Variants in GNA12 observed in about 807,000 individuals in gnomAD.
GNA12 encodes G protein subunit alpha 12.
In GNA12, 9 loss-of-function variants were observed where a neutral mutation model predicts 26.0. The observed-to-expected ratio is 0.35, with a 90% confidence interval of 0.21 to 0.60. The LOEUF is 0.60. Ranked by LOEUF, GNA12 falls within the 20% of genes least tolerant of loss-of-function variation. The probability of loss-of-function intolerance (pLI) is 0.78; values close to 1 mark genes in which losing one functional copy is unlikely to be tolerated. For synonymous variants in GNA12, 264 were observed against 219.6 expected (o/e 1.20, Z -1.79); for missense variants, 405 against 525.8 (o/e 0.77, Z 2.25).
intron 2 of GNA12, among the ~76,000 whole-genome samples, chr7:2,734,360 C>T (rs1003021683): frequency 2.0e-5 from 3 of 152,234 alleles, no homozygotes; most frequent in Non-Finnish European, 4.4e-5. Flanking sequence ...TTGAACCCTG[C>T]TCTAAAGACA....
intron 2 of GNA12, among the ~76,000 whole-genome samples, chr7:2,744,312 G>T (rs1306105670): frequency 6.6e-6 from 1 of 152,186 alleles, no homozygotes; most frequent in Non-Finnish European, 1.5e-5. Context: ...GTACTCCTCT[G>T]AGACAAAACT....
chr7:2,812,254 A>AC (rs1562441115), intron 1 of GNA12, among the ~76,000 whole-genome samples: 1 of 152,244 alleles, frequency 6.6e-6, no homozygotes, highest in Non-Finnish European at 1.5e-5. Context: ...TAAATAACTC[A>AC]ATGTTTTTCT....
At chr7:2,788,589 T>C (rs1457057110) in intron 2 of GNA12, among the ~76,000 whole-genome samples, 1 of 152,208 alleles carries the variant, frequency 6.6e-6, no homozygotes, top group Non-Finnish European at 1.5e-5. Context: ...GGCAATTCTG[T>C]ACCTAAAGAT....
intron 2 of GNA12, among the ~76,000 whole-genome samples, chr7:2,751,383 C>T (rs73049318): frequency 1.9e-3 from 270 of 138,664 alleles, no homozygotes; most frequent in Non-Finnish European, 2.9e-3. Flanking sequence ...AGAGCAAGAC[C>T]GTTTCAAAGA....
At chr7:2,825,623 TATC>T (rs1304012436) in intron 1 of GNA12, among the ~76,000 whole-genome samples, 9 of 152,128 alleles carry the variant, frequency 5.9e-5, no homozygotes, top group Non-Finnish European at 2.9e-5. Context: ...GCTGAGAAGG[TATC>T]GAGCTGATGG....
chr7:2,819,339 G>C (rs1233826549), intron 1 of GNA12, among the ~76,000 whole-genome samples: 2 of 152,206 alleles, frequency 1.3e-5, no homozygotes, highest in African/African-American at 4.8e-5. Context: ...CTTCCTGTTA[G>C]TCTCATGACA....
intron 1 of GNA12, among the ~76,000 whole-genome samples, chr7:2,834,922 C>T (rs1778787828): frequency 6.6e-6 from 1 of 152,104 alleles, no homozygotes; most frequent in South Asian, 2.1e-4. Context: ...ATTTCCTGGA[C>T]GGGATCCCAG....
chr7:2,780,066 A>G lies in GNA12; in HGVS notation c.525+14862T>C, dbSNP rs1326917803. 1.7e-3 allele frequency among the ~76,000 whole-genome samples: 201 copies of G among 121,768 alleles called. 4 individuals carry two copies. Among genetic ancestry groups the G allele is most frequent in the Middle Eastern group, 4.1e-3 (1 of 246 alleles). The allele number at this position is 121,768 out of a possible 152,430, so 79.9% of individuals were successfully genotyped here. ...TTTCTGTGTACATATATATATATAT[A>G]TATATATATATATATATATATATAT... On this transcript the variant is annotated intron_variant, in intron 2 of 3. Coordinates refer to ENST00000275364, the MANE Select transcript of GNA12 (RefSeq NM_007353.3).
At chr7:2,735,524 GC>G (rs1460938170) in intron 2 of GNA12, among the ~76,000 whole-genome samples, 1 of 152,170 alleles carries the variant, frequency 6.6e-6, no homozygotes, top group East Asian at 1.9e-4. Context: ...ATCAGGACAA[GC>G]TCGATGGGAA....
At chr7:2,765,129 A>G (rs2115410864) in intron 2 of GNA12, 1 of 152,136 alleles carries the variant, frequency 6.6e-6, no homozygotes, top group South Asian at 2.1e-4. Context: ...AATCTAAGGG[A>G]AAAAAAGAAT....
intron 1 of GNA12, among the ~76,000 whole-genome samples, chr7:2,837,248 C>G (rs1778864156): frequency 6.6e-6 from 1 of 152,146 alleles, no homozygotes; most frequent in African/African-American, 2.4e-5. Context: ...TTAGCTGTCG[C>G]TTTGCTACCC....
chr7:2,781,810 C>A (rs949247113), intron 2 of GNA12, among the ~76,000 whole-genome samples: 2 of 152,084 alleles, frequency 1.3e-5, no homozygotes, highest in African/African-American at 4.8e-5. Context: ...TCAATAACAA[C>A]TACAACTTGA....
At chr7:2,773,349 G>C (rs1791994944) in intron 2 of GNA12, among the ~76,000 whole-genome samples, 1 of 152,244 alleles carries the variant, frequency 6.6e-6, no homozygotes, top group Non-Finnish European at 1.5e-5. Flanking sequence ...GATCACCTGA[G>C]GTTGGGAGTT....
intron 2 of GNA12, among the ~76,000 whole-genome samples, chr7:2,747,851 C>CATTCTTAT (rs1237608189): frequency 6.6e-6 from 1 of 152,158 alleles, no homozygotes; most frequent in Non-Finnish European, 1.5e-5. Context: ...AAATTACAAG[C>CATTCTTAT]ATTCTTATAC....
chr7:2,834,458 G>A (rs891402274), intron 1 of GNA12, among the ~76,000 whole-genome samples: 5 of 152,204 alleles, frequency 3.3e-5, no homozygotes, highest in Admixed American at 1.3e-4. Context: ...CCCAGCTTGA[G>A]AGTGCGAGTG....
At position 2,844,234 on chromosome 7, in the gene GNA12, C is replaced by G. The variant is rs1334306643; in HGVS notation, c.-73G>C. 1 of 749,670 alleles carries G rather than the reference C, an allele frequency of 1.3e-6. No individual in the cohort carries two copies. 46.4% of individuals were successfully genotyped at this position (749,670 alleles called of 1,614,324 possible). A position where few individuals can be genotyped will look rare whatever the true frequency, so the allele number is the denominator to read the frequency against. On this transcript the variant is annotated 5_prime_UTR_variant, in exon 1 of 4. Transcript: ENST00000275364. ...ACGCTCCCGCCGGCGAGGGCGAGCC[C>G]GGGCCGAGGCACCGCCCCACGCCCC...
At chr7:2,802,652 T>G (rs1428316814) in intron 1 of GNA12, among the ~76,000 whole-genome samples, 1 of 152,186 alleles carries the variant, frequency 6.6e-6, no homozygotes, top group Non-Finnish European at 1.5e-5. Flanking sequence ...GGATGTTCAC[T>G]CGGGCAACAG....
intron 1 of GNA12, among the ~76,000 whole-genome samples, chr7:2,798,842 C>T (rs1792739968): frequency 6.6e-6 from 1 of 152,008 alleles, no homozygotes; most frequent in Non-Finnish European, 1.5e-5. Context: ...AGGGATAGCC[C>T]CTGATACAGC....
chr7:2,762,988 G>C lies in GNA12; in HGVS notation c.526-29487C>G, dbSNP rs574585717. ...CCTGCTCCTCAGAAAGAGCCCTTGT[G>C]TGCTACTGTGGTCGCCAACAGCCCC... On this transcript the variant is annotated intron_variant, in intron 2 of 3. Coordinates refer to ENST00000275364, the MANE Select transcript of GNA12 (RefSeq NM_007353.3). 629 of 1,318,388 alleles carry C rather than the reference G, an allele frequency of 4.8e-4. 1 individual carries two copies. Among genetic ancestry groups the C allele is most frequent in the Admixed American group, 8.2e-4 (21 of 25,564 alleles). 81.7% of individuals were successfully genotyped at this position (1,318,388 alleles called of 1,614,324 possible).
Sources: allele counts gnomAD v4.1 joint callset (sites outside exome capture counted in the v4.1 genomes callset), GRCh38; gene constraint gnomAD v4.1.1; transcripts MANE v1.5; gene names NCBI Gene and HGNC (gene_info 2026-07-23, HGNC 2026-07-21).